The following TBCD variants were observed in gnomAD, a reference collection of about 807,000 sequenced individuals.
TBCD encodes the protein tubulin folding cofactor D, also known as tubulin-specific chaperone D.
TBCD carries 105 observed loss-of-function variants against 169.3 expected under a neutral mutation model. The observed-to-expected ratio is 0.62, with a 90% CI of 0.53 to 0.73. TBCD has a LOEUF of 0.73. Among genes scored for constraint, TBCD ranks in the 30% least tolerant of loss-of-function variants. TBCD has a pLI of 0.00. For missense variants in TBCD, 1,444 were observed against 1,600.1 expected, an observed-to-expected ratio of 0.90 and a Z score of 1.66; for synonymous variants, 700 against 643.9, an observed-to-expected ratio of 1.09 and a Z score of -1.32.
At position 82,832,228 on chromosome 17, in the gene TBCD, G is replaced by A. The variant is rs370722774; in HGVS notation, c.1318+17294G>A. 96 of 1,614,122 alleles carry A rather than the reference G, an allele frequency of 5.9e-5. No homozygotes were observed. In the East Asian group the frequency reaches 9.6e-4, roughly 16 times the overall value. The stretch of plus-strand genomic sequence containing the variant: ...CTTCGCCGTGGCATCGGGCTGGTTG[G>A]TTTGCTTGGGGTCTAGTGAGTTAGA... On this transcript the variant is annotated intron_variant, in intron 13 of 38. Coordinates refer to ENST00000355528, the MANE Select transcript of TBCD (RefSeq NM_005993.5). This position sits in a 1 kb window ranked among gnomAD's most constrained non-coding sequence, Gnocchi z 4.9.
chr17:82,830,666 G>A, intron 13 of TBCD: 1 of 1,614,144 alleles, frequency 6.2e-7, no homozygotes, highest in Non-Finnish European at 8.5e-7. Flanking sequence ...AGATTGAGTG[G>A]AAGGTCCTGC....
rs947253333 is a variant in TBCD at position 82,939,313 on chromosome 17, C to T, written c.3370-54C>T. On this transcript the variant is annotated intron_variant, in intron 36 of 38. Coordinates refer to ENST00000355528, the MANE Select transcript of TBCD (RefSeq NM_005993.5). ...CCTGGCCTGGGTCCTGTCGTCTCTC[C>T]GGGGTGGGGCGGTGGCGCTTCCCTC... 167 of 1,448,646 alleles carry T rather than the reference C, an allele frequency of 1.2e-4. 1 individual carries two copies. Among genetic ancestry groups the T allele is most frequent in the Non-Finnish European group, 1.5e-4 (154 of 1,055,790 alleles). The allele number at this position is 1,448,646 out of a possible 1,614,324, so 89.7% of individuals were successfully genotyped here.
chr17:82,869,380 G>A (rs1236905891), intron 13 of TBCD, among the ~76,000 whole-genome samples: 2 of 152,184 alleles, frequency 1.3e-5, no homozygotes, highest in Non-Finnish European at 2.9e-5. Flanking sequence ...GTAGCTGGGT[G>A]TGATGGTGGC....
chr17:82,908,476 T>C (rs900088549), intron 21 of TBCD: 27 of 422,344 alleles, frequency 6.4e-5, no homozygotes, highest in East Asian at 3.0e-4. Context: ...TACAGGAGAA[T>C]ATAAAAATTG....
At chr17:82,921,386 T>C in intron 24 of TBCD, 115 bp from the exon 25 acceptor site, 7 of 853,610 alleles carry the variant, frequency 8.2e-6, no homozygotes, top group African/African-American at 1.7e-5. Context: ...CACAGATTCC[T>C]CTCAAAGGTT....
chr17:82,829,328 C>T (rs947813972), intron 13 of TBCD: 1 of 154,910 alleles, frequency 6.5e-6, no homozygotes, highest in Middle Eastern at 5.2e-4. Context: ...ACAGATAGCA[C>T]ACGTGTACAC....
At chr17:82,877,435 T>C (rs1400472843) in intron 14 of TBCD, among the ~76,000 whole-genome samples, 3 of 152,148 alleles carry the variant, frequency 2.0e-5, no homozygotes, top group African/African-American at 7.2e-5. Flanking sequence ...AATCTCCGCC[T>C]CCTGGGTTCA....
chr17:82,807,288 C>T (rs148048891), intron 10 of TBCD, among the ~76,000 whole-genome samples: 145 of 152,330 alleles, frequency 9.5e-4, no homozygotes, highest in African/African-American at 2.7e-3. Flanking sequence ...TTTGGTCACC[C>T]GTGAGCTGCG....
chr17:82,842,089 C>G (rs560794909), intron 13 of TBCD, among the ~76,000 whole-genome samples: 1 of 152,366 alleles, frequency 6.6e-6, no homozygotes, highest in African/African-American at 2.4e-5. Flanking sequence ...AGGCGGGAGC[C>G]GAGGGCTCCA....
rs538152543 is a variant in TBCD at position 82,890,703 on chromosome 17, C to A, written c.1563+1006C>A. The stretch of plus-strand genomic sequence containing the variant: ...CTACTTCTTGCTGGCCCGAGGCAGC[C>A]GAGGCCCACCCAGCATCCTTGGGGT... On this transcript the variant is annotated intron_variant, in intron 16 of 38. Transcript: ENST00000355528. This position sits in a 1 kb window ranked among gnomAD's most constrained non-coding sequence, Gnocchi z 5.3. Among the ~76,000 whole-genome samples the A allele has an allele frequency of 6.6e-6, 1 of 152,142 alleles. No individual in the cohort carries two copies. The highest frequency in any genetic ancestry group is 6.5e-5 in the Admixed American group (1 of 15,286).
At chr17:82,847,643 C>A (rs1056024289) in intron 13 of TBCD, among the ~76,000 whole-genome samples, 1 of 152,108 alleles carries the variant, frequency 6.6e-6, no homozygotes, top group Non-Finnish European at 1.5e-5. Flanking sequence ...CAATTTAATT[C>A]TTTTTTCTTT....
At chr17:82,862,724 T>A (rs2056869421) in intron 13 of TBCD, among the ~76,000 whole-genome samples, 1 of 152,228 alleles carries the variant, frequency 6.6e-6, no homozygotes, top group Non-Finnish European at 1.5e-5. Flanking sequence ...AGGGACTGTC[T>A]TCTGCCGTGA....
rs1211810826 is a variant in TBCD, at chr17:82,903,571, G to T, written c.1804+93G>T. 1 of 1,304,470 alleles carries T rather than the reference G, an allele frequency of 7.7e-7. No homozygotes were observed. The highest frequency in any genetic ancestry group is 1.1e-6 in the Non-Finnish European group (1 of 935,504). 80.8% of individuals were successfully genotyped at this position (1,304,470 alleles called of 1,614,324 possible). A position where few individuals can be genotyped will look rare whatever the true frequency, so the allele number is the denominator to read the frequency against. On this transcript the variant is annotated intron_variant, in intron 19 of 38. Transcript: ENST00000355528. This position sits in a 1 kb window ranked among gnomAD's most constrained non-coding sequence, Gnocchi z 4.8. ...TTCAAAGGCTGGGGGCTGAAAATAA[G>T]GTTGTGCTTCTGTCTTGGTGAGAAG...
chr17:82,780,938 C>T (rs1598458618), intron 6 of TBCD, among the ~76,000 whole-genome samples: 1 of 152,064 alleles, frequency 6.6e-6, no homozygotes, highest in South Asian at 2.1e-4. Flanking sequence ...AGCCACTGCG[C>T]CCGGCCAGAT....
At chr17:82,839,594 A>T (rs1323919217) in intron 13 of TBCD, among the ~76,000 whole-genome samples, 25 of 152,206 alleles carry the variant, frequency 1.6e-4, no homozygotes. Context: ...TCTTGTTAGC[A>T]TTTATTGTAG....
intron 2 of TBCD, among the ~76,000 whole-genome samples, chr17:82,762,063 A>G (rs1030905443): frequency 1.3e-5 from 2 of 151,544 alleles, no homozygotes; most frequent in Non-Finnish European, 2.9e-5. Context: ...GTTATTAATA[A>G]TGCTACTTTT....
intron 17 of TBCD, among the ~76,000 whole-genome samples, chr17:82,896,281 G>A (rs369215492): frequency 8.6e-4 from 131 of 152,260 alleles, no homozygotes; most frequent in Middle Eastern, 6.8e-3. Flanking sequence ...CCAGGGCCAG[G>A]GGTGTGGTAC....
intron 13 of TBCD, among the ~76,000 whole-genome samples, chr17:82,836,338 A>C (rs552842376): frequency 6.6e-6 from 1 of 152,338 alleles, no homozygotes; most frequent in East Asian, 1.9e-4. Flanking sequence ...ATTGTATAGG[A>C]TGTGTTACGG....
chr17:82,854,974 G>A (rs771748283), intron 13 of TBCD, among the ~76,000 whole-genome samples: 14 of 152,250 alleles, frequency 9.2e-5, no homozygotes, highest in African/African-American at 3.1e-4. Flanking sequence ...TCCTAACACC[G>A]TGCTCTTGGG....
Sources: allele counts gnomAD v4.1 joint callset (sites outside exome capture counted in the v4.1 genomes callset), GRCh38; gene constraint gnomAD v4.1.1; non-coding constraint Gnocchi (gnomAD v3.1); transcripts MANE v1.5; gene names NCBI Gene and HGNC (gene_info 2026-07-23, HGNC 2026-07-21).